The following RIN3 variants were observed in gnomAD, a reference collection of about 807,000 sequenced individuals.
RIN3 encodes the protein RAB5 interacting protein 3.
RIN3 carries 54 observed loss-of-function variants against 76.3 expected under a neutral mutation model. The observed-to-expected ratio is 0.71, with a 90% CI of 0.57 to 0.89. RIN3 has a LOEUF of 0.89. Ranked by LOEUF, RIN3 falls within the 40% of genes least tolerant of loss-of-function variation. The pLI is 0.00. For missense variants in RIN3, 1,256 were observed against 1,322.1 expected (o/e 0.95, Z 0.78); for synonymous variants, 576 against 564.0 (o/e 1.02, Z -0.30).
At chr14:92,609,869 GTGTGTGTGTGTGTGTGTA>G (rs59485059) in intron 3 of RIN3, among the ~76,000 whole-genome samples, 44,898 of 146,312 alleles carry the variant, frequency 0.31, 7,735 homozygotes, top group Admixed American at 0.48. Context: ...GTGTGTGTGT[GTGTGTGTGTGTGTGTGTA>G]TGTATGTGTG....
intron 1 of RIN3, among the ~76,000 whole-genome samples, chr14:92,539,056 G>A (rs927839113): frequency 2.0e-5 from 3 of 152,016 alleles, no homozygotes; most frequent in East Asian, 1.9e-4. Context: ...GGGCCTGCCC[G>A]TTGCTCTTGG....
At chr14:92,641,423 C>A in intron 5 of RIN3, 94 bp downstream of exon 5, 1 of 897,792 alleles carries the variant, frequency 1.1e-6, no homozygotes, top group Non-Finnish European at 1.8e-6. Flanking sequence ...GAGGGACAGC[C>A]TGAGTCCCAG....
chr14:92,571,870 C>A (rs1898069981), intron 2 of RIN3, among the ~76,000 whole-genome samples: 1 of 152,166 alleles, frequency 6.6e-6, no homozygotes, highest in Non-Finnish European at 1.5e-5. Flanking sequence ...GCCACAGAGT[C>A]CCCATCACCT....
chr14:92,659,393 C>T lies in RIN3; in HGVS notation c.2259C>T (p.Tyr753=). The T allele has an allele frequency of 1.9e-6, 3 of 1,613,706 alleles. No individual in the cohort carries two copies. The highest frequency in any genetic ancestry group is 2.5e-6 in the Non-Finnish European group (3 of 1,179,786). ...LQKFTSMHKA[Y]SPEKKISILL... is the part of the protein sequence containing the mutation. ...AGTTCACCAGCATGCACAAGGCCTA[C>T]TCACCTGAGAAGAAGATCTCCATCC... Residue 753 remains tyrosine, a synonymous_variant, in exon 7 of 10, where the codon TAC becomes TAT. Coordinates refer to ENST00000216487, the MANE Select transcript of RIN3 (RefSeq NM_024832.5).
chr14:92,534,684 C>T (rs1896956480), intron 1 of RIN3, among the ~76,000 whole-genome samples: 1 of 151,976 alleles, frequency 6.6e-6, no homozygotes, highest in Non-Finnish European at 1.5e-5. Flanking sequence ...GGTCCTTCCC[C>T]TGAGTTTGTC....
chr14:92,621,781 C>G (rs1398052729), intron 4 of RIN3, among the ~76,000 whole-genome samples: 1 of 152,196 alleles, frequency 6.6e-6, no homozygotes, highest in African/African-American at 2.4e-5. Context: ...TGGTAGACAA[C>G]ATATAACAGT....
intron 1 of RIN3, among the ~76,000 whole-genome samples, chr14:92,532,032 G>A (rs565970418): frequency 5.9e-5 from 9 of 151,852 alleles, no homozygotes; most frequent in African/African-American, 2.2e-4. Context: ...GGGTTCAAGC[G>A]ATTCTCCTGC....
At chr14:92,666,675 C>T (rs932309065) in intron 7 of RIN3, among the ~76,000 whole-genome samples, 5 of 152,202 alleles carry the variant, frequency 3.3e-5, no homozygotes, top group African/African-American at 9.7e-5. Flanking sequence ...TCATTCCCAC[C>T]TCCTTGATGT....
intron 1 of RIN3, among the ~76,000 whole-genome samples, chr14:92,524,874 G>C (rs915628492): frequency 6.6e-6 from 1 of 152,274 alleles, no homozygotes; most frequent in Non-Finnish European, 1.5e-5. Context: ...CCCAGAGATG[G>C]AATGTGGGCA....
At chr14:92,562,661 C>T (rs1295784216) in intron 2 of RIN3, among the ~76,000 whole-genome samples, 1 of 152,140 alleles carries the variant, frequency 6.6e-6, no homozygotes, top group Non-Finnish European at 1.5e-5. Flanking sequence ...ACACACTGCC[C>T]TCACTGTGCA....
At chr14:92,581,899 T>G (rs569747465) in intron 3 of RIN3, among the ~76,000 whole-genome samples, 1 of 152,126 alleles carries the variant, frequency 6.6e-6, no homozygotes, top group African/African-American at 2.4e-5. Context: ...GGAAAATCAC[T>G]AAGGGGAAAC....
intron 1 of RIN3, among the ~76,000 whole-genome samples, chr14:92,541,054 G>A (rs1407501570): frequency 6.6e-6 from 1 of 152,232 alleles, no homozygotes; most frequent in African/African-American, 2.4e-5. Flanking sequence ...TCCCAGATCT[G>A]ATCCAACCTA....
chr14:92,527,246 G>C (rs1332043750), intron 1 of RIN3, among the ~76,000 whole-genome samples: 3 of 150,196 alleles, frequency 2.0e-5, no homozygotes, highest in African/African-American at 7.6e-5. Flanking sequence ...TAGAGACGGG[G>C]TTTCACCGTG....
intron 1 of RIN3, among the ~76,000 whole-genome samples, chr14:92,544,499 G>A (rs74072946): frequency 0.03 from 4,539 of 151,462 alleles, 241 homozygotes; most frequent in African/African-American, 0.1. Context: ...CTATTCCCGG[G>A]GCTAGACTCA....
chr14:92,527,296 C>T (rs1896764500), intron 1 of RIN3, among the ~76,000 whole-genome samples: 1 of 152,044 alleles, frequency 6.6e-6, no homozygotes. Flanking sequence ...TCATGATCCA[C>T]CCGTCTCAGC....
chr14:92,548,613 G>T (rs2140026991), intron 1 of RIN3, among the ~76,000 whole-genome samples: 1 of 152,112 alleles, frequency 6.6e-6, no homozygotes, highest in South Asian at 2.1e-4. Flanking sequence ...TCTACCTCTG[G>T]CACTCCTTGG....
Position 92,543,332 on chromosome 14 carries a change from G to T in RIN3, c.45-12419G>T, listed in dbSNP as rs147813768. Reference sequence around the variant, plus strand: ...ACAAGAGGAAACACTTCAGGGGAACGGATTTCATCTCAATAGAAATTGAGA... The same window carrying T: ...ACAAGAGGAAACACTTCAGGGGAACTGATTTCATCTCAATAGAAATTGAGA... On this transcript the variant is annotated intron_variant, in intron 1 of 9. Coordinates refer to ENST00000216487, the MANE Select transcript of RIN3 (RefSeq NM_024832.5). Among the ~76,000 whole-genome samples, 562 of 152,272 alleles carry T rather than the reference G, an allele frequency of 3.7e-3. 3 individuals are homozygous for T. Among genetic ancestry groups the T allele is most frequent in the African/African-American group, 0.013 (527 of 41,564 alleles).
rs1248585927 is a variant in RIN3, at chr14:92,688,277, AC to A, written c.*30del. On this transcript the variant is annotated 3_prime_UTR_variant, in exon 10 of 10. Coordinates refer to ENST00000216487, the MANE Select transcript of RIN3 (RefSeq NM_024832.5). ...AGGCCCTCCCGGGGCGCCTCCCCTC[AC>A]CCCCAGGCGCACGTCTGGCCCCGCC... 7 of 1,495,540 alleles carry A rather than the reference AC, an allele frequency of 4.7e-6. No homozygotes were observed. Among genetic ancestry groups the A allele is most frequent in the Non-Finnish European group, 5.3e-6 (6 of 1,123,880 alleles). 92.6% of individuals were successfully genotyped at this position (1,495,540 alleles called of 1,614,324 possible).
chr14:92,599,935 C>T (rs983889250), intron 3 of RIN3, among the ~76,000 whole-genome samples: 1 of 152,176 alleles, frequency 6.6e-6, no homozygotes, highest in Non-Finnish European at 1.5e-5. Flanking sequence ...TGAGCCCTGA[C>T]CCCAGGCAGT....
Sources: gnomAD v4.1 joint callset for allele counts (sites outside exome capture counted in the v4.1 genomes callset) on GRCh38, gnomAD v4.1.1 for gene constraint, MANE v1.5 for transcripts, NCBI Gene and HGNC (gene_info 2026-07-23, HGNC 2026-07-21) for gene names.